PPARGC1A: variants seen among roughly 807,000 people sequenced by gnomAD.
PPARGC1A encodes PPARG coactivator 1 alpha, also known as peroxisome proliferator-activated receptor gamma coactivator 1-alpha.
In PPARGC1A, 25 loss-of-function variants were observed where a neutral mutation model predicts 88.7. That is an observed-to-expected ratio of 0.28 (90% CI 0.21 to 0.39). PPARGC1A has a LOEUF of 0.39. PPARGC1A is among the 10% of genes least tolerant of loss of function. PPARGC1A has a pLI of 1.00. For synonymous variants in PPARGC1A, 363 were observed against 355.6 expected (o/e 1.02, Z -0.24); for missense variants, 880 against 968.7 (o/e 0.91, Z 1.22).
the PPARGC1A span, among the ~76,000 whole-genome samples, chr4:24,235,909 C>A: frequency 6.6e-6 from 1 of 152,076 alleles, no homozygotes; most frequent in Non-Finnish European, 1.5e-5. Flanking sequence ...GTGGGGGACC[C>A]ACAGTGGAGA....
the PPARGC1A span, among the ~76,000 whole-genome samples, chr4:23,937,262 T>C: frequency 2.6e-5 from 4 of 152,116 alleles, no homozygotes; most frequent in Non-Finnish European, 4.4e-5. Flanking sequence ...TTTCGTTTAT[T>C]TATTGGCTTT....
At chr4:23,909,240 A>G in the PPARGC1A span, among the ~76,000 whole-genome samples, 1 of 152,220 alleles carries the variant, frequency 6.6e-6, no homozygotes, top group South Asian at 2.1e-4. Context: ...ATGTATGTAT[A>G]GAGAAGCTCA....
At chr4:23,903,918 C>T (rs1719730675), upstream of PPARGC1A, 1 of 539,278 alleles carries the variant, frequency 1.9e-6, no homozygotes, top group African/African-American at 2.1e-5. Context: ...GCCCTCATCA[C>T]CAGAAATAAA....
chr4:23,986,361 G>C, the PPARGC1A span, among the ~76,000 whole-genome samples: 33 of 152,116 alleles, frequency 2.2e-4, no homozygotes, highest in Non-Finnish European at 4.3e-4. Context: ...TTAACATTTT[G>C]ACTCAGGTTC....
chr4:24,282,331 T>TTGTCAG, the PPARGC1A span, among the ~76,000 whole-genome samples: 2 of 152,252 alleles, frequency 1.3e-5, no homozygotes, highest in African/African-American at 4.8e-5. Flanking sequence ...CTTCTCCATC[T>TTGTCAG]TGTCAATAAC....
the PPARGC1A span, among the ~76,000 whole-genome samples, chr4:24,224,931 G>A: frequency 2.0e-5 from 3 of 152,164 alleles, no homozygotes; most frequent in Non-Finnish European, 2.9e-5. Context: ...TCTAAGGAAG[G>A]GGGAGAAAAC....
the PPARGC1A span, among the ~76,000 whole-genome samples, chr4:24,198,339 A>G: frequency 2.0e-5 from 3 of 152,122 alleles, no homozygotes; most frequent in African/African-American, 7.2e-5. Flanking sequence ...GATCCATCCA[A>G]TTCATTCATT....
the PPARGC1A span, among the ~76,000 whole-genome samples, chr4:24,111,276 C>T: frequency 1.3e-5 from 2 of 152,286 alleles, no homozygotes; most frequent in Admixed American, 6.5e-5. Flanking sequence ...AAGCCTTCAT[C>T]TCAGACTCAT....
chr4:24,094,598 T>A, the PPARGC1A span, among the ~76,000 whole-genome samples: 1 of 152,218 alleles, frequency 6.6e-6, no homozygotes, highest in Non-Finnish European at 1.5e-5. Context: ...CAGAATAGCA[T>A]GACTTCCATG....
the PPARGC1A span, among the ~76,000 whole-genome samples, chr4:24,291,143 GC>G: frequency 6.6e-6 from 1 of 151,990 alleles, no homozygotes; most frequent in Admixed American, 6.6e-5. Flanking sequence ...CCACCCAATT[GC>G]CAAATAAGTC....
upstream of PPARGC1A, among the ~76,000 whole-genome samples, chr4:23,901,636 G>C (rs1426919415): frequency 6.6e-6 from 1 of 152,028 alleles, no homozygotes; most frequent in Non-Finnish European, 1.5e-5. Flanking sequence ...GGGACAATGA[G>C]AGGAACCACA....
At chr4:24,348,384 T>C in the PPARGC1A span, among the ~76,000 whole-genome samples, 1 of 152,248 alleles carries the variant, frequency 6.6e-6, no homozygotes, top group African/African-American at 2.4e-5. Flanking sequence ...TCCTTGATTA[T>C]TCCCCCAGAC....
chr4:24,401,310 GC>G, the PPARGC1A span, among the ~76,000 whole-genome samples: 2 of 151,964 alleles, frequency 1.3e-5, no homozygotes, highest in Non-Finnish European at 2.9e-5. Context: ...GAGCCACTGC[GC>G]CCGGCCATAC....
chr4:23,949,443 C>T, the PPARGC1A span, among the ~76,000 whole-genome samples: 1 of 152,162 alleles, frequency 6.6e-6, no homozygotes, highest in South Asian at 2.1e-4. Flanking sequence ...CAACATCCCC[C>T]ATATGGCTAG....
the PPARGC1A span, among the ~76,000 whole-genome samples, chr4:23,943,052 G>A: frequency 6.6e-6 from 1 of 152,088 alleles, no homozygotes; most frequent in Admixed American, 6.6e-5. Context: ...CCTTCATCCT[G>A]AGGCTTAAAT....
the PPARGC1A span, among the ~76,000 whole-genome samples, chr4:24,230,515 C>G: frequency 1.3e-5 from 2 of 152,116 alleles, no homozygotes; most frequent in East Asian, 3.9e-4. Flanking sequence ...GTGAACACAG[C>G]CTACTCTTCC....
rs151082275 is a variant in PPARGC1A, at chr4:23,858,522, T to A, written c.234+26230A>T. Among the ~76,000 whole-genome samples, 4 of 152,304 alleles carry A rather than the reference T, an allele frequency of 2.6e-5. No individual in the cohort carries two copies. In the East Asian group the frequency reaches 5.8e-4, roughly 22 times the overall value. ...CCATCTTGCTACCATTGCCTTTAGG[T>A]TCTTGGGATACAAAGAGAAGAGAAG... On this transcript the variant is annotated intron_variant, in intron 2 of 12. Coordinates refer to ENST00000264867, the MANE Select transcript of PPARGC1A (RefSeq NM_013261.5).
the PPARGC1A span, among the ~76,000 whole-genome samples, chr4:24,279,015 G>A: frequency 1.3e-5 from 2 of 152,304 alleles, no homozygotes; most frequent in East Asian, 3.9e-4. Context: ...GACCAAGAAG[G>A]AAAGCTTACA....
chr4:24,168,642 G>GAT, the PPARGC1A span, among the ~76,000 whole-genome samples: 12 of 148,092 alleles, frequency 8.1e-5, no homozygotes, highest in African/African-American at 3.0e-4. Context: ...CACAGACATA[G>GAT]ACACACACAC....
Sources: allele counts gnomAD v4.1 joint callset (sites outside exome capture counted in the v4.1 genomes callset), GRCh38; gene constraint gnomAD v4.1.1; transcripts MANE v1.5; gene names NCBI Gene and HGNC (gene_info 2026-07-23, HGNC 2026-07-21).